LYSMD1: variants seen among roughly 807,000 people sequenced by gnomAD.
LYSMD1 encodes LysM domain containing 1.
A neutral mutation model predicts 19.3 loss-of-function variants in LYSMD1; 9 were observed. That is an observed-to-expected ratio of 0.47 (90% confidence interval 0.28 to 0.81). The LOEUF (loss-of-function observed/expected upper bound fraction) is 0.81. Among genes scored for constraint, LYSMD1 ranks in the 40% least tolerant of loss-of-function variants. LYSMD1 has a pLI of 0.11. For synonymous variants in LYSMD1, 111 were observed against 111.7 expected (o/e 0.99, Z 0.04); for missense variants, 262 against 279.8 (o/e 0.94, Z 0.45).
downstream of LYSMD1, among the ~76,000 whole-genome samples, chr1:151,155,869 G>T (rs1195055390): frequency 6.6e-6 from 1 of 152,044 alleles, no homozygotes; most frequent in African/African-American, 2.4e-5. Flanking sequence ...CACTCTGGAA[G>T]GCCAAGGTGG....
Position 151,165,432 on chromosome 1 carries a change from C to T in LYSMD1, c.-174G>A. Reference sequence around the variant, plus strand: ...ATCTGCCCCCTCCCGGTTTCTCCTCCCTCCAAGCTACTTATCCACAAATCT... The same window carrying T: ...ATCTGCCCCCTCCCGGTTTCTCCTCTCTCCAAGCTACTTATCCACAAATCT... On this transcript the variant is annotated 5_prime_UTR_variant, in exon 1 of 3. Coordinates refer to ENST00000368908, the MANE Select transcript of LYSMD1 (RefSeq NM_212551.5). The T allele has an allele frequency of 1.4e-6, 2 of 1,435,216 alleles. No homozygotes were observed. Among genetic ancestry groups the T allele is most frequent in the Non-Finnish European group, 1.8e-6 (2 of 1,099,636 alleles). The allele number at this position is 1,435,216 out of a possible 1,614,324, so 88.9% of individuals were successfully genotyped here. A position where few individuals can be genotyped will look rare whatever the true frequency, so the allele number is the denominator to read the frequency against.
rs764587360 is a variant in LYSMD1, at chr1:151,159,960, A to G, written c.*922T>C. On this transcript the variant is annotated 3_prime_UTR_variant, in exon 3 of 3. Coordinates refer to ENST00000368908, the MANE Select transcript of LYSMD1 (RefSeq NM_212551.5). Reference sequence around the variant, plus strand: ...GATCAGTGCTACAAATCGCAAATAAATATGCAGTGAGGAGGAAGGCATAGA... The same window carrying G: ...GATCAGTGCTACAAATCGCAAATAAGTATGCAGTGAGGAGGAAGGCATAGA... 6.3e-6 allele frequency: 1 copy of G among 158,360 alleles called. No individual in the cohort carries two copies. The highest frequency in any genetic ancestry group is 2.4e-5 in the African/African-American group (1 of 41,346). 9.8% of individuals were successfully genotyped at this position (158,360 alleles called of 1,614,324 possible).
At chr1:151,163,839 C>A (rs1013865516) in intron 1 of LYSMD1, among the ~76,000 whole-genome samples, 66 of 150,606 alleles carry the variant, frequency 4.4e-4, no homozygotes, top group African/African-American at 1.6e-3. Flanking sequence ...ACCACAGCCC[C>A]TTTCCAACTG....
At chr1:151,151,938 AAAAAAAAAG>A in the LYSMD1 span, among the ~76,000 whole-genome samples, 5 of 151,900 alleles carry the variant, frequency 3.3e-5, no homozygotes, top group African/African-American at 1.2e-4. Context: ...TTAAAAAAAA[AAAAAAAAAG>A]ACAGGAAGCT....
chr1:151,165,196 AG>A lies in LYSMD1; in HGVS notation c.62del (p.Ala21ValfsTer15), dbSNP rs1683630293. ...ATTGCACCAGGCTTCCATATGAACG[AG>A]CCCGGCTCCCTTGAAGCAGTCCTGA... ...GGSGLLQGSR[A>X]RSYGSLVQSA... On this transcript the variant is annotated frameshift_variant, in exon 1 of 3. Coordinates refer to ENST00000368908, the MANE Select transcript of LYSMD1 (RefSeq NM_212551.5). LOFTEE classifies it high-confidence loss of function. The A allele has an allele frequency of 1.2e-6, 2 of 1,614,016 alleles. No homozygotes were observed. Among genetic ancestry groups the A allele is most frequent in the African/African-American group, 2.7e-5 (2 of 74,916 alleles).
Position 151,160,778 on chromosome 1 carries a change from G to C in LYSMD1, c.*104C>G. On this transcript the variant is annotated 3_prime_UTR_variant, in exon 3 of 3. Transcript: ENST00000368908. Reference sequence around the variant, plus strand: ...GGCTGGGGAGGATGGCTGGAGTGGAGGGAGGCAGGCTCATAAGCCATGTTC... The same window carrying C: ...GGCTGGGGAGGATGGCTGGAGTGGACGGAGGCAGGCTCATAAGCCATGTTC... 7.2e-7 allele frequency: 1 copy of C among 1,386,650 alleles called. No homozygotes were observed. Among genetic ancestry groups the C allele is most frequent in the Non-Finnish European group, 9.9e-7 (1 of 1,012,908 alleles). The allele number at this position is 1,386,650 out of a possible 1,614,324, so 85.9% of individuals were successfully genotyped here. A position where few individuals can be genotyped will look rare whatever the true frequency, so the allele number is the denominator to read the frequency against.
chr1:151,161,272 C>T (rs1014692143), intron 2 of LYSMD1, among the ~76,000 whole-genome samples: 2 of 152,108 alleles, frequency 1.3e-5, no homozygotes, highest in African/African-American at 2.4e-5. Context: ...CCGAGGCTGG[C>T]GGATCACGAG....
intron 1 of LYSMD1, among the ~76,000 whole-genome samples, chr1:151,163,514 C>T (rs999843674): frequency 2.0e-5 from 3 of 151,712 alleles, no homozygotes; most frequent in African/African-American, 4.8e-5. Flanking sequence ...ATAGTGTATT[C>T]GTATTTTCTT....
chr1:151,158,977 C>T, downstream of LYSMD1: 1 of 1,614,280 alleles, frequency 6.2e-7, no homozygotes, highest in Non-Finnish European at 8.5e-7. Flanking sequence ...TCGCCAGAAG[C>T]TGCGGCAGGG....
At chr1:151,155,564 C>G (rs1345208290), downstream of LYSMD1, among the ~76,000 whole-genome samples, 2 of 151,870 alleles carry the variant, frequency 1.3e-5, no homozygotes, top group Admixed American at 6.6e-5. Flanking sequence ...ACCCTCCTCT[C>G]TACAAAAAAA....
chr1:151,165,272 C>T lies in LYSMD1; in HGVS notation c.-14G>A. The T allele has an allele frequency of 6.2e-7, 1 of 1,608,986 alleles. No homozygotes were observed. Among genetic ancestry groups the T allele is most frequent in the Non-Finnish European group, 8.5e-7 (1 of 1,176,912 alleles). The stretch of plus-strand genomic sequence containing the variant: ...CGGGGAAGCCATCTCTTCACCCTGC[C>T]AACAGCTAAGGTTGCAACTAGGGGA... On this transcript the variant is annotated 5_prime_UTR_variant, in exon 1 of 3. Transcript: ENST00000368908.
the LYSMD1 span, among the ~76,000 whole-genome samples, chr1:151,150,429 A>G: frequency 6.6e-6 from 1 of 152,182 alleles, no homozygotes; most frequent in African/African-American, 2.4e-5. Flanking sequence ...TATACTTGCT[A>G]TATCCATTTT....
the LYSMD1 span, among the ~76,000 whole-genome samples, chr1:151,153,206 C>T: frequency 6.6e-6 from 1 of 152,212 alleles, no homozygotes; most frequent in African/African-American, 2.4e-5. Context: ...AAGATACCGT[C>T]ATTTGGCCAG....
downstream of LYSMD1, among the ~76,000 whole-genome samples, chr1:151,157,008 G>A (rs1221018147): frequency 1.3e-5 from 2 of 152,130 alleles, no homozygotes; most frequent in Non-Finnish European, 2.9e-5. Context: ...ATGGGTAAGG[G>A]CCAGAGGGAG....
At chr1:151,158,937 C>A (rs1683332474), downstream of LYSMD1, 4 of 1,614,266 alleles carry the variant, frequency 2.5e-6, no homozygotes, top group Non-Finnish European at 3.4e-6. Context: ...GCTCCTTTGG[C>A]CCCAGTGAGC....
At position 151,161,720 on chromosome 1, in the gene LYSMD1, A is replaced by G. The variant is rs1683463667; in HGVS notation, c.545+16T>C. 1 of 1,596,768 alleles carries G rather than the reference A, an allele frequency of 6.3e-7. No individual in the cohort carries two copies. The highest frequency in any genetic ancestry group is 1.4e-5 in the African/African-American group (1 of 73,402). ...GAGTCTAGGGAGGAACTTATAAGGAACCATTCAAGACTCACCCATTTTCCC... is the reference window on the plus strand; with the variant it reads ...GAGTCTAGGGAGGAACTTATAAGGAGCCATTCAAGACTCACCCATTTTCCC... On this transcript the variant is annotated intron_variant, in intron 2 of 2. Transcript: ENST00000368908.
At chr1:151,158,479 T>C (rs74127548), downstream of LYSMD1, among the ~76,000 whole-genome samples, 8,712 of 151,926 alleles carry the variant, frequency 0.057, 830 homozygotes, top group African/African-American at 0.2. Flanking sequence ...TGGGCTGTTT[T>C]GGAGTCAAGA....
At chr1:151,151,757 C>T in the LYSMD1 span, among the ~76,000 whole-genome samples, 1,697 of 151,428 alleles carry the variant, frequency 0.011, 45 homozygotes, top group African/African-American at 0.039. Context: ...TAGAGAAACC[C>T]CGTCTCTACT....
At chr1:151,153,380 C>T in the LYSMD1 span, among the ~76,000 whole-genome samples, 15 of 152,090 alleles carry the variant, frequency 9.9e-5, no homozygotes, top group South Asian at 2.9e-3. Context: ...TGTGGCCAGG[C>T]GCAGTGGCTC....
Sources: gnomAD v4.1 joint callset for allele counts (sites outside exome capture counted in the v4.1 genomes callset) on GRCh38, gnomAD v4.1.1 for gene constraint, MANE v1.5 for transcripts, NCBI Gene and HGNC (gene_info 2026-07-23, HGNC 2026-07-21) for gene names.